The following OSGIN1 variants were observed in gnomAD, a reference collection of about 807,000 sequenced individuals.
OSGIN1 encodes the protein oxidative stress induced growth inhibitor 1.
In OSGIN1, 19 loss-of-function variants were observed where a neutral mutation model predicts 20.1. The observed-to-expected ratio is 0.95, with a 90% confidence interval of 0.66 to 1.39. The LOEUF (loss-of-function observed/expected upper bound fraction) is 1.39. OSGIN1 is among the 40% of genes most tolerant of loss of function. The probability of loss-of-function intolerance (pLI) is 0.00; values close to 1 mark genes in which losing one functional copy is unlikely to be tolerated. For synonymous variants in OSGIN1, 368 were observed against 297.8 expected (o/e 1.24, Z -2.43); for missense variants, 820 against 653.0 (o/e 1.26, Z -2.79).
At position 83,965,647 on chromosome 16, in the gene OSGIN1, C is replaced by A; in HGVS notation, c.1074C>A (p.Tyr358Ter). Residue 358 changes from tyrosine (Y) to a stop codon, truncating the protein, a stop_gained, in exon 6 of 6, where the codon TAC (tyrosine) becomes TAA (stop). Coordinates refer to ENST00000393306, the MANE Select transcript of OSGIN1 (RefSeq NM_182981.3). LOFTEE classifies it low-confidence loss of function (END_TRUNC). Reference sequence around the variant, plus strand: ...TGTCGCCCAGCCCCTATGAGGGTTACCGCAGCCTCCCCAGGCACCAGCTGC... The same window carrying A: ...TGTCGCCCAGCCCCTATGAGGGTTAACGCAGCCTCCCCAGGCACCAGCTGC... Reference protein sequence around the residue: ...SILSPSPYEGYRSLPRHQLLC... With the variant: ...SILSPSPYEG 3 of 1,613,396 alleles carry A rather than the reference C, an allele frequency of 1.9e-6. No homozygotes were observed. The highest frequency in any genetic ancestry group is 2.5e-6 in the Non-Finnish European group (3 of 1,180,012).
Position 83,960,765 on chromosome 16 carries a change from G to A in OSGIN1, c.396+5G>A. The A allele has an allele frequency of 1.2e-6, 2 of 1,612,508 alleles. No individual in the cohort carries two copies. Among genetic ancestry groups the A allele is most frequent in the Non-Finnish European group, 1.7e-6 (2 of 1,179,658 alleles). ...CTCCCCGGGGGAGCCTGGCACGTGAGTGGGGCAGCGAGGGCATGGCTTGTG... is the reference window on the plus strand; with the variant it reads ...CTCCCCGGGGGAGCCTGGCACGTGAATGGGGCAGCGAGGGCATGGCTTGTG... On this transcript the variant is annotated splice_donor_5th_base_variant and intron_variant, in intron 4 of 5. Coordinates refer to ENST00000393306, the MANE Select transcript of OSGIN1 (RefSeq NM_182981.3).
At position 83,961,017 on chromosome 16, in the gene OSGIN1, C is replaced by CA; in HGVS notation, c.434dup (p.Trp146ValfsTer46). On this transcript the variant is annotated frameshift_variant, in exon 5 of 6. Coordinates refer to ENST00000393306, the MANE Select transcript of OSGIN1 (RefSeq NM_182981.3). LOFTEE classifies it high-confidence loss of function. ...CTCCATGGTGATCCTGAGCCAAGGC[C>CA]AGTGGATGGGGCTCCCGGACCTGGA... The CA allele has an allele frequency of 6.2e-7, 1 of 1,613,692 alleles. No individual in the cohort carries two copies. The highest frequency in any genetic ancestry group is 2.2e-5 in the East Asian group (1 of 44,872).
Position 83,957,766 on chromosome 16 carries a change from G to C in OSGIN1, c.67+28G>C, listed in dbSNP as rs752285985. 7.2e-5 allele frequency: 101 copies of C among 1,394,486 alleles called. 1 individual carries two copies. The highest frequency in any genetic ancestry group is 2.3e-5 in the Non-Finnish European group (23 of 1,007,706). 86.4% of individuals were successfully genotyped at this position (1,394,486 alleles called of 1,614,324 possible). ...GAGTGTCAGGCCCCAGCCAGGGAGG[G>C]GCTCCGCTGAGCCTTCCGGGTACCC... On this transcript the variant is annotated intron_variant, in intron 2 of 5. Coordinates refer to ENST00000393306, the MANE Select transcript of OSGIN1 (RefSeq NM_182981.3).
chr16:83,961,766 C>T (rs1230274131), intron 5 of OSGIN1, among the ~76,000 whole-genome samples: 1 of 152,014 alleles, frequency 6.6e-6, no homozygotes, highest in Non-Finnish European at 1.5e-5. Flanking sequence ...TCACATGGCC[C>T]CCAACTGGGC....
chr16:83,960,722 G>C lies in OSGIN1; in HGVS notation c.358G>C (p.Val120Leu). ...CCGGAAGGAGCACGCCATCCCCCAC[G>C]TGGTTCTGGGCCGGAACCTCCCCGG... ...KHRKEHAIPH[V>L]VLGRNLPGGA... Residue 120 changes from valine (V) to leucine (L), a missense_variant, in exon 4 of 6, where the codon GTG becomes CTG. Coordinates refer to ENST00000393306, the MANE Select transcript of OSGIN1 (RefSeq NM_182981.3). 6.2e-7 allele frequency: 1 copy of C among 1,613,428 alleles called. No individual in the cohort carries two copies. Among genetic ancestry groups the C allele is most frequent in the Non-Finnish European group, 8.5e-7 (1 of 1,180,028 alleles).
chr16:83,959,621 G>A (rs1255803273), intron 3 of OSGIN1, among the ~76,000 whole-genome samples: 1 of 152,206 alleles, frequency 6.6e-6, no homozygotes, highest in African/African-American at 2.4e-5. Context: ...TTGTTCTCAA[G>A]GAGGGGATGA....
rs1234513683 is a variant in OSGIN1, at chr16:83,964,310, TTAAAATAAAATAA to T, written c.489-751_489-739del. Among the ~76,000 whole-genome samples the T allele has an allele frequency of 2.0e-4, 30 of 151,246 alleles. 1 individual carries two copies. Among genetic ancestry groups the T allele is most frequent in the East Asian group, 5.8e-4 (3 of 5,170 alleles). On this transcript the variant is annotated intron_variant, in intron 5 of 5. Coordinates refer to ENST00000393306, the MANE Select transcript of OSGIN1 (RefSeq NM_182981.3). ...CAGAGTGAGACTCTGTCTCAAAAAA[TTAAAATAAAATAA>T]AATAAAATAAAATAAAATAATAAAT...
rs2084276802 is a variant in OSGIN1, at chr16:83,966,047, C to G, written c.*40C>G. 1 of 1,408,152 alleles carries G rather than the reference C, an allele frequency of 7.1e-7. No individual in the cohort carries two copies. Among genetic ancestry groups the G allele is most frequent in the Non-Finnish European group, 9.5e-7 (1 of 1,057,428 alleles). 87.2% of individuals were successfully genotyped at this position (1,408,152 alleles called of 1,614,324 possible). Reference sequence around the variant, plus strand: ...CGCTGGCTCCCAGGCCCTGAGAGGACAGAGATGACCACATCCCTGCTGGAT... The same window carrying G: ...CGCTGGCTCCCAGGCCCTGAGAGGAGAGAGATGACCACATCCCTGCTGGAT... On this transcript the variant is annotated 3_prime_UTR_variant, in exon 6 of 6. Coordinates refer to ENST00000393306, the MANE Select transcript of OSGIN1 (RefSeq NM_182981.3).
At chr16:83,964,053 C>T (rs938096495) in intron 5 of OSGIN1, among the ~76,000 whole-genome samples, 1 of 151,718 alleles carries the variant, frequency 6.6e-6, no homozygotes, top group Non-Finnish European at 1.5e-5. Flanking sequence ...CCTGTAATCC[C>T]AGCACTTTGG....
chr16:83,961,737 C>T (rs1456658724), intron 5 of OSGIN1, among the ~76,000 whole-genome samples: 4 of 152,098 alleles, frequency 2.6e-5, no homozygotes, highest in South Asian at 4.1e-4. Flanking sequence ...CTGTCCCGTG[C>T]AAGCAGCAGA....
chr16:83,965,320 C>T lies in OSGIN1; in HGVS notation c.747C>T (p.Phe249=), dbSNP rs760343662. 4.0e-5 allele frequency: 64 copies of T among 1,581,596 alleles called. No homozygotes were observed. Among genetic ancestry groups the T allele is most frequent in the Non-Finnish European group, 5.2e-5 (61 of 1,163,458 alleles). ...ACGTGGTCCTCGCCACAGGCACGTT[C>T]GACAGCCCGGCCCGGCTGGGCATCC... ...ARNVVLATGT[F]DSPARLGIPG... The change falls in exon 6 of 6, where the codon TTC becomes TTT. Residue 249 remains phenylalanine, a synonymous_variant. Coordinates refer to ENST00000393306, the MANE Select transcript of OSGIN1 (RefSeq NM_182981.3).
chr16:83,955,611 G>A (rs1908888844), intron 1 of OSGIN1, among the ~76,000 whole-genome samples: 1 of 152,194 alleles, frequency 6.6e-6, no homozygotes, highest in African/African-American at 2.4e-5. Context: ...TTGTTAACGT[G>A]TATTAAGTGT....
At chr16:83,965,017 C>T (rs1422453032) in intron 5 of OSGIN1, 45 bp from the exon 6 acceptor site, 2 of 720,826 alleles carry the variant, frequency 2.8e-6, no homozygotes, top group Non-Finnish European at 4.6e-6. Context: ...AGCCCCCCAA[C>T]CCCTAACAGT....
intron 3 of OSGIN1, among the ~76,000 whole-genome samples, chr16:83,960,041 C>T (rs1278872292): frequency 6.6e-6 from 1 of 152,166 alleles, no homozygotes; most frequent in Non-Finnish European, 1.5e-5. Flanking sequence ...GTTCCCTTCC[C>T]GCCCCTGAGT....
chr16:83,961,338 A>C, intron 5 of OSGIN1: 1 of 439,404 alleles, frequency 2.3e-6, no homozygotes, highest in Non-Finnish European at 4.2e-6. Flanking sequence ...AGCTTGAAGC[A>C]AAGGCAGGAA....
Position 83,956,322 on chromosome 16 carries a change from T to C in OSGIN1, c.-32-1318T>C, listed in dbSNP as rs115098918. Among the ~76,000 whole-genome samples, 1,481 of 152,320 alleles carry C rather than the reference T, an allele frequency of 9.7e-3. 15 individuals are homozygous for C. Among genetic ancestry groups the C allele is most frequent in the African/African-American group, 0.033 (1,390 of 41,560 alleles). ...TGTTTGGTTGGCCTTTTAAGCATCT[T>C]CCAAAACTCTGCGTTCATTCATTGC... On this transcript the variant is annotated intron_variant, in intron 1 of 5. Coordinates refer to ENST00000393306, the MANE Select transcript of OSGIN1 (RefSeq NM_182981.3).
intron 1 of OSGIN1, 74 bp downstream of exon 1, chr16:83,953,444 C>G (rs1261058272): frequency 3.2e-6 from 4 of 1,247,480 alleles, no homozygotes; most frequent in Admixed American, 2.4e-5. Flanking sequence ...CCCAGCTGGA[C>G]CGGAGGGTCT....
chr16:83,958,646 G>T (rs751461532), intron 2 of OSGIN1, among the ~76,000 whole-genome samples: 8 of 152,194 alleles, frequency 5.3e-5, no homozygotes, highest in Non-Finnish European at 8.8e-5. Flanking sequence ...AAAGAGAAGC[G>T]CTATCACAGG....
chr16:83,966,245 T>A lies in OSGIN1; in HGVS notation c.*238T>A, dbSNP rs2084278927. 2 of 543,078 alleles carry A rather than the reference T, an allele frequency of 3.7e-6. No individual in the cohort carries two copies. Among genetic ancestry groups the A allele is most frequent in the African/African-American group, 1.9e-5 (1 of 52,954 alleles). 33.6% of individuals were successfully genotyped at this position (543,078 alleles called of 1,614,324 possible). ...ACCTGGGATTTGTGGGGAAAGCTGC[T>A]GGTGTGACCAGCTGAGCACCCAGCC... On this transcript the variant is annotated 3_prime_UTR_variant, in exon 6 of 6. Transcript: ENST00000393306.
Sources: gnomAD v4.1 joint callset for allele counts (sites outside exome capture counted in the v4.1 genomes callset) on GRCh38, gnomAD v4.1.1 for gene constraint, MANE v1.5 for transcripts, NCBI Gene and HGNC (gene_info 2026-07-23, HGNC 2026-07-21) for gene names.